INPP4A: variants seen among roughly 807,000 people sequenced by gnomAD.
The protein encoded by INPP4A is inositol polyphosphate-4-phosphatase type I A.
Under a neutral mutation model 119.8 loss-of-function variants are expected in INPP4A, and 33 were observed. That is an observed-to-expected ratio of 0.28 (90% CI 0.21 to 0.37). The LOEUF (loss-of-function observed/expected upper bound fraction) is 0.37. INPP4A is among the 10% of genes least tolerant of loss of function. The pLI is 1.00. For synonymous variants in INPP4A, 496 were observed against 500.7 expected, an observed-to-expected ratio of 0.99 and a Z score of 0.12; for missense variants, 956 against 1,289.9, an observed-to-expected ratio of 0.74 and a Z score of 3.97.
intron 1 of INPP4A, among the ~76,000 whole-genome samples, chr2:98,467,063 C>G (rs1362836100): frequency 6.6e-6 from 1 of 152,138 alleles, no homozygotes; most frequent in Non-Finnish European, 1.5e-5. Context: ...GCTGCTTCTA[C>G]TCGTGGTGGA....
chr2:98,457,816 T>C (rs2104568697), intron 1 of INPP4A, among the ~76,000 whole-genome samples: 1 of 152,188 alleles, frequency 6.6e-6, no homozygotes, highest in East Asian at 1.9e-4. Flanking sequence ...TTTATTTTAT[T>C]TTAGAGACGG....
chr2:98,558,986 G>A (rs1396838208), intron 16 of INPP4A, among the ~76,000 whole-genome samples: 3 of 152,144 alleles, frequency 2.0e-5, no homozygotes, highest in Admixed American at 6.5e-5. Flanking sequence ...CTCAGCAGTC[G>A]ATCCTGAGCC....
intron 13 of INPP4A, among the ~76,000 whole-genome samples, chr2:98,549,955 G>A (rs1405394909): frequency 1.3e-5 from 2 of 152,106 alleles, no homozygotes; most frequent in Non-Finnish European, 2.9e-5. Context: ...CTCTTTCAAG[G>A]CCTGATCTTT....
chr2:98,486,128 T>C (rs1679490501), intron 1 of INPP4A, among the ~76,000 whole-genome samples: 1 of 152,196 alleles, frequency 6.6e-6, no homozygotes, highest in African/African-American at 2.4e-5. Context: ...GAAAGTTGGA[T>C]TTCTAGCTTT....
intron 1 of INPP4A, among the ~76,000 whole-genome samples, chr2:98,503,636 A>G (rs191540520): frequency 8.9e-4 from 135 of 152,328 alleles, no homozygotes; most frequent in Middle Eastern, 3.4e-3. Flanking sequence ...ATCACTTCTG[A>G]TTCACTTGTG....
rs185265491 is a variant in INPP4A, at chr2:98,487,388, T to A, written c.-165-31576T>A. On this transcript the variant is annotated intron_variant, in intron 1 of 24. Coordinates refer to ENST00000409851, the MANE Select transcript of INPP4A (RefSeq NM_001134225.2). ...AGTGTTTAGAGACAGAATCAATTTT[T>A]ATTTTATCTTATTTATTTATTTTTT... Among the ~76,000 whole-genome samples, 7 of 152,330 alleles carry A rather than the reference T, an allele frequency of 4.6e-5. No individual in the cohort carries two copies. In the East Asian group the frequency reaches 1.4e-3, roughly 29 times the overall value.
At chr2:98,573,701 C>T (rs1697903516) in intron 23 of INPP4A, among the ~76,000 whole-genome samples, 1 of 152,132 alleles carries the variant, frequency 6.6e-6, no homozygotes, top group South Asian at 2.1e-4. Flanking sequence ...TCCGTCTTGT[C>T]AGGAAGGTGC....
chr2:98,500,770 A>G (rs949070228), intron 1 of INPP4A, among the ~76,000 whole-genome samples: 1 of 152,182 alleles, frequency 6.6e-6, no homozygotes. Flanking sequence ...TCAGATATTG[A>G]GGAGGGGAGG....
intron 13 of INPP4A, chr2:98,548,938 GTTCTT>G (rs754484503): frequency 2.5e-6 from 4 of 1,605,654 alleles, no homozygotes; most frequent in East Asian, 2.2e-5. Flanking sequence ...TTTCATTTTG[GTTCTT>G]TTCTTTAGCA....
intron 17 of INPP4A, among the ~76,000 whole-genome samples, chr2:98,560,921 G>T (rs1695363830): frequency 6.6e-6 from 1 of 152,242 alleles, no homozygotes. Flanking sequence ...CTGGCCTGTA[G>T]AGCCCTCCTT....
intron 1 of INPP4A, among the ~76,000 whole-genome samples, chr2:98,491,831 C>T (rs189086840): frequency 2.6e-5 from 4 of 152,092 alleles, no homozygotes; most frequent in Admixed American, 6.5e-5. Context: ...AGATGCTCCT[C>T]GACTTAACGA....
intron 1 of INPP4A, among the ~76,000 whole-genome samples, chr2:98,492,764 G>A (rs1156502089): frequency 2.6e-5 from 4 of 152,234 alleles, no homozygotes; most frequent in Non-Finnish European, 5.9e-5. Flanking sequence ...ATATCTGAGG[G>A]ACTCACTGGG....
intron 4 of INPP4A, among the ~76,000 whole-genome samples, chr2:98,529,088 A>G (rs1012132609): frequency 2.0e-5 from 3 of 152,080 alleles, no homozygotes; most frequent in African/African-American, 7.2e-5. Flanking sequence ...AAAAAAAAAA[A>G]AAAAAAATTT....
Position 98,546,228 on chromosome 2 carries a change from A to G in INPP4A, c.1054+155A>G, listed in dbSNP as rs1692456564. On this transcript the variant is annotated intron_variant, in intron 12 of 24. Coordinates refer to ENST00000409851, the MANE Select transcript of INPP4A (RefSeq NM_001134225.2). This position sits in a 1 kb window ranked among gnomAD's most constrained non-coding sequence, Gnocchi z 4.2. ...CACAAGGACCTTCAAAAGGTTTCTG[A>G]TAACAGCCCACACCCCTTCCTTTTG... Among the ~76,000 whole-genome samples, 1 of 152,172 alleles carries G rather than the reference A, an allele frequency of 6.6e-6. No individual in the cohort carries two copies. Among genetic ancestry groups the G allele is most frequent in the Non-Finnish European group, 1.5e-5 (1 of 68,040 alleles).
At chr2:98,560,725 G>A (rs1281096583) in intron 17 of INPP4A, among the ~76,000 whole-genome samples, 2 of 152,222 alleles carry the variant, frequency 1.3e-5, no homozygotes, top group Non-Finnish European at 2.9e-5. Flanking sequence ...GACTGAGCTG[G>A]CTGTCGCCTG....
At chr2:98,476,396 C>T (rs1677204688) in intron 1 of INPP4A, among the ~76,000 whole-genome samples, 1 of 152,200 alleles carries the variant, frequency 6.6e-6, no homozygotes, top group African/African-American at 2.4e-5. Context: ...GTTTGCTGTC[C>T]CTCGGGAGGG....
At position 98,589,102 on chromosome 2, in the gene INPP4A, C is replaced by T. The variant is rs1349972659; in HGVS notation, c.*1494C>T. On this transcript the variant is annotated 3_prime_UTR_variant, in exon 25 of 25. Transcript: ENST00000409851. ...TCAGAAGTCAGCATGCAAGCAGCGCCTGCTGTCTCCCGATGCCTGCAGGGA... is the reference window on the plus strand; with the variant it reads ...TCAGAAGTCAGCATGCAAGCAGCGCTTGCTGTCTCCCGATGCCTGCAGGGA... The T allele has an allele frequency of 5.6e-6, 1 of 179,828 alleles. No homozygotes were observed. The highest frequency in any genetic ancestry group is 1.2e-5 in the Non-Finnish European group (1 of 84,020). The allele number at this position is 179,828 out of a possible 1,614,324, so 11.1% of individuals were successfully genotyped here. A position where few individuals can be genotyped will look rare whatever the true frequency, so the allele number is the denominator to read the frequency against.
intron 1 of INPP4A, among the ~76,000 whole-genome samples, chr2:98,452,049 G>A (rs111761625): frequency 0.015 from 2,356 of 152,254 alleles, 68 homozygotes; most frequent in African/African-American, 0.054. Context: ...TCATCCTAGG[G>A]GGTTAGTCTC....
At chr2:98,550,599 A>G (rs1027755262) in intron 13 of INPP4A, among the ~76,000 whole-genome samples, 8 of 152,182 alleles carry the variant, frequency 5.3e-5, no homozygotes, top group African/African-American at 1.9e-4. Context: ...GGCTGCCCCT[A>G]GGCTTCATGT....
Sources: gnomAD v4.1 joint callset for allele counts (sites outside exome capture counted in the v4.1 genomes callset) on GRCh38, gnomAD v4.1.1 for gene constraint, Gnocchi (gnomAD v3.1) non-coding constraint, MANE v1.5 for transcripts, NCBI Gene and HGNC (gene_info 2026-07-23, HGNC 2026-07-21) for gene names.